FREM1: variants seen among roughly 807,000 people sequenced by gnomAD.
FREM1 encodes FRAS1-related extracellular matrix protein 1.
FREM1 carries 220 observed loss-of-function variants against 210.1 expected under a neutral mutation model. The ratio of observed to expected loss-of-function variants is 1.05; its 90% CI spans 0.94 to 1.17. FREM1 has a LOEUF of 1.17. Ranked by LOEUF, FREM1 falls within the 50% of genes most tolerant of loss-of-function variation. The probability of loss-of-function intolerance (pLI) is 0.00; values close to 1 mark genes in which losing one functional copy is unlikely to be tolerated. For missense variants in FREM1, 3,454 were observed against 2,675.5 expected (o/e 1.29, Z -6.42); for synonymous variants, 1,189 against 980.2 (o/e 1.21, Z -3.98).
At chr9:14,904,804 C>A (rs549595960) in intron 1 of FREM1, among the ~76,000 whole-genome samples, 1 of 152,150 alleles carries the variant, frequency 6.6e-6, no homozygotes, top group African/African-American at 2.4e-5. Flanking sequence ...TCTTGCATGA[C>A]TCTCCTCCTT....
chr9:14,807,533 T>C (rs1563975993), intron 17 of FREM1, among the ~76,000 whole-genome samples: 1 of 152,196 alleles, frequency 6.6e-6, no homozygotes, highest in South Asian at 2.1e-4. Flanking sequence ...CTCTCCGGTA[T>C]ACTCACTCTG....
intron 14 of FREM1, among the ~76,000 whole-genome samples, chr9:14,817,896 G>A (rs1431196733): frequency 6.6e-6 from 1 of 152,116 alleles, no homozygotes; most frequent in Non-Finnish European, 1.5e-5. Flanking sequence ...CTATATTGGT[G>A]AGTGATAATT....
chr9:14,882,661 T>C (rs1834999538), intron 1 of FREM1, among the ~76,000 whole-genome samples: 1 of 151,500 alleles, frequency 6.6e-6, no homozygotes, highest in South Asian at 2.1e-4. Context: ...TTTCACCATG[T>C]TGGCCAGGCT....
rs1213376520 is a variant in FREM1 at position 14,823,196 on chromosome 9, G to C, written c.2301C>G (p.Asn767Lys). The change falls in exon 13 of 37, where the codon AAC becomes AAG. Residue 767 changes from asparagine to lysine, a missense_variant. Asn to Lys is a moderately conservative substitution (Grantham distance 94). Transcript: ENST00000380880. ...GATTGTCCACTGGGAGGATTGTAAT[G>C]TTAAAGCAGATCCCATGCAAAGTAC... ...HGGTLHGICFNITILPVDNQV... is the reference protein window; with the variant it reads ...HGGTLHGICFKITILPVDNQV... 3.1e-6 allele frequency: 5 copies of C among 1,613,832 alleles called. No individual in the cohort carries two copies. The highest frequency in any genetic ancestry group is 1.3e-5 in the African/African-American group (1 of 75,026).
Position 14,807,943 on chromosome 9 carries a change from T to C in FREM1, c.3085A>G (p.Ile1029Val). 1.2e-6 allele frequency: 2 copies of C among 1,609,740 alleles called. No homozygotes were observed. Among genetic ancestry groups the C allele is most frequent in the East Asian group, 2.2e-5 (1 of 44,856 alleles). Residue 1029 changes from isoleucine (I) to valine (V), a missense_variant, in exon 17 of 37, where the codon ATA becomes GTA. Physicochemically the swap from Ile to Val is conservative, Grantham distance 29. Coordinates refer to ENST00000380880, the MANE Select transcript of FREM1 (RefSeq NM_001379081.2). ...GAACAAAAAAACACATTGTCACCTA[T>C]TGCAATGGAAGGTGGCTGGTTGTCT... ...PVDNQPPSIA[I>V]GPVFVVDEGC...
chr9:14,857,796 T>A, intron 4 of FREM1, 47 bp from the exon 5 acceptor site: 1 of 1,429,674 alleles, frequency 7.0e-7, no homozygotes, highest in Non-Finnish European at 9.5e-7. Flanking sequence ...AACATAACAA[T>A]TGTAAAATTT....
intron 25 of FREM1, among the ~76,000 whole-genome samples, chr9:14,773,223 G>A (rs1380269826): frequency 6.6e-6 from 1 of 152,178 alleles, no homozygotes. Context: ...AGTACAGGTT[G>A]CATCAGTTGC....
At chr9:14,777,970 A>G (rs1323352166) in intron 24 of FREM1, among the ~76,000 whole-genome samples, 1 of 152,200 alleles carries the variant, frequency 6.6e-6, no homozygotes, top group Non-Finnish European at 1.5e-5. Flanking sequence ...GACTGTTGAC[A>G]AGGAAAATAT....
chr9:14,876,079 G>T (rs1158179308), intron 1 of FREM1, among the ~76,000 whole-genome samples: 2 of 152,174 alleles, frequency 1.3e-5, no homozygotes, highest in Non-Finnish European at 2.9e-5. Flanking sequence ...GTGTCAGTCT[G>T]CCCCTACTGG....
chr9:14,747,220 C>G, intron 33 of FREM1, 44 bp downstream of exon 33: 1 of 1,596,850 alleles, frequency 6.3e-7, no homozygotes, highest in South Asian at 1.1e-5. Flanking sequence ...GCCCAGCAAA[C>G]AACTTGTTAT....
intron 1 of FREM1, among the ~76,000 whole-genome samples, chr9:14,903,766 A>T (rs894291420): frequency 1.3e-5 from 2 of 152,206 alleles, no homozygotes; most frequent in Non-Finnish European, 2.9e-5. Context: ...TGCCTTAAGC[A>T]GTCTCATAAA....
chr9:14,807,220 T>G (rs10756614), intron 17 of FREM1, among the ~76,000 whole-genome samples: 32,532 of 152,142 alleles, frequency 0.21, 3,765 homozygotes, highest in Middle Eastern at 0.3. Flanking sequence ...GTTTTAATGT[T>G]AAGCCACTAA....
chr9:14,797,619 C>T lies in FREM1; in HGVS notation c.3718G>A (p.Asp1240Asn). ...TCATCAGCAAGGCTCTCTGAGTCAT[C>T]ATGCATGTACGTCAACCTCATTCCT... is the stretch of plus-strand genomic sequence containing the variant. Reference protein sequence around the residue: ...KTGMRLTYMHDDSESLADDFT... With the variant: ...KTGMRLTYMHNDSESLADDFT... Residue 1240 changes from aspartate to asparagine, a missense_variant, in exon 21 of 37, where the codon GAT becomes AAT. By Grantham distance (23) the Asp-to-Asn change is conservative. Transcript: ENST00000380880. 6.2e-7 allele frequency: 1 copy of T among 1,612,392 alleles called. No individual in the cohort carries two copies. The highest frequency in any genetic ancestry group is 8.5e-7 in the Non-Finnish European group (1 of 1,179,066).
chr9:14,860,680 TATACACATATATAC>T (rs1829787418), intron 3 of FREM1, among the ~76,000 whole-genome samples: 1 of 109,216 alleles, frequency 9.2e-6, no homozygotes, highest in Admixed American at 9.6e-5. Context: ...TACACACATA[TATACACATATATAC>T]ACACATATAT....
intron 6 of FREM1, among the ~76,000 whole-genome samples, 196 bp from the exon 7 acceptor site, chr9:14,848,969 T>A (rs1341030593): frequency 6.6e-6 from 1 of 152,222 alleles, no homozygotes; most frequent in Non-Finnish European, 1.5e-5. Flanking sequence ...TTAACGGTAT[T>A]TTTAAATTTT....
intron 14 of FREM1, among the ~76,000 whole-genome samples, chr9:14,817,714 C>G (rs547929232): frequency 4.0e-4 from 61 of 152,152 alleles, no homozygotes; most frequent in Non-Finnish European, 6.8e-4. Context: ...AAAGTCAGAG[C>G]TGAAAGGTAT....
intron 9 of FREM1, 76 bp downstream of exon 9, chr9:14,842,240 A>G: frequency 1.1e-6 from 1 of 912,870 alleles, no homozygotes; most frequent in East Asian, 2.4e-5. Flanking sequence ...ATTTCAGCAA[A>G]CCCAGAAGGA....
At chr9:14,875,637 T>G (rs1420065257) in intron 1 of FREM1, among the ~76,000 whole-genome samples, 1 of 152,276 alleles carries the variant, frequency 6.6e-6, no homozygotes, top group East Asian at 1.9e-4. Flanking sequence ...CCTGTAGCTC[T>G]AAGTAGTTTG....
rs974299756 is a variant in FREM1 at position 14,867,214 on chromosome 9, G to A, written c.234+1530C>T. 1.1e-4 allele frequency among the ~76,000 whole-genome samples: 17 copies of A among 152,116 alleles called. 1 individual carries two copies. The highest frequency in any genetic ancestry group is 9.2e-4 in the Admixed American group (14 of 15,266). On this transcript the variant is annotated intron_variant, in intron 2 of 36. Coordinates refer to ENST00000380880, the MANE Select transcript of FREM1 (RefSeq NM_001379081.2). ...AGTTGGGTCTCTATCACCCACTCCT[G>A]AGCTTATTTGTATTGCTTCCTCATC...
Sources: gnomAD v4.1 joint callset for allele counts (sites outside exome capture counted in the v4.1 genomes callset) on GRCh38, gnomAD v4.1.1 for gene constraint, MANE v1.5 for transcripts, NCBI Gene and HGNC (gene_info 2026-07-23, HGNC 2026-07-21) for gene names.